Variants in NRG1 observed in about 807,000 individuals in gnomAD.
The protein encoded by NRG1 is neuregulin 1.
In NRG1, 18 loss-of-function variants were observed where a neutral mutation model predicts 63.8. The ratio of observed to expected loss-of-function variants is 0.28; its 90% confidence interval spans 0.19 to 0.42. The LOEUF (loss-of-function observed/expected upper bound fraction) is 0.42, where lower values mean the gene tolerates loss of function less well. Ranked by LOEUF, NRG1 falls within the 10% of genes least tolerant of loss-of-function variation. The probability of loss-of-function intolerance (pLI) is 1.00; values close to 1 mark genes in which losing one functional copy is unlikely to be tolerated. For missense variants in NRG1, 762 were observed against 814.7 expected (o/e 0.94, Z 0.79); for synonymous variants, 302 against 301.3 (o/e 1.00, Z -0.02).
chr8:32,575,037 T>C (rs1839356338), intron 1 of NRG1, among the ~76,000 whole-genome samples: 1 of 152,140 alleles, frequency 6.6e-6, no homozygotes, highest in Non-Finnish European at 1.5e-5. Flanking sequence ...TAGACAAATC[T>C]AAAGCCAAAC....
intron 1 of NRG1, among the ~76,000 whole-genome samples, chr8:31,778,410 T>G (rs980782563): frequency 6.6e-6 from 1 of 152,206 alleles, no homozygotes; most frequent in Non-Finnish European, 1.5e-5. Flanking sequence ...TGCTTGTTAA[T>G]TTTTGTTCTT....
intron 1 of NRG1, among the ~76,000 whole-genome samples, chr8:32,068,056 C>A (rs1028791310): frequency 1.2e-4 from 18 of 152,120 alleles, no homozygotes; most frequent in Admixed American, 9.8e-4. Flanking sequence ...GGTTTCCCTC[C>A]CGTGCTGAAT....
At chr8:32,497,716 T>C (rs1191575790) in intron 1 of NRG1, among the ~76,000 whole-genome samples, 1 of 152,166 alleles carries the variant, frequency 6.6e-6, no homozygotes, top group African/African-American at 2.4e-5. Context: ...GAGGGGACTG[T>C]TGGAAAGGAA....
At chr8:32,193,285 T>G (rs1488742688) in intron 1 of NRG1, among the ~76,000 whole-genome samples, 2 of 147,136 alleles carry the variant, frequency 1.4e-5, no homozygotes, top group Non-Finnish European at 3.0e-5. Flanking sequence ...ATTGATATAG[T>G]GCTTTTCTTT....
chr8:32,544,469 CTTA>C (rs1254231022), upstream of NRG1, among the ~76,000 whole-genome samples: 1 of 127,444 alleles, frequency 7.8e-6, no homozygotes, highest in Non-Finnish European at 1.6e-5. Context: ...TACTGCCTAG[CTTA>C]TTATTTATTT....
chr8:31,699,135 C>A (rs1810372849), intron 1 of NRG1, among the ~76,000 whole-genome samples: 1 of 152,078 alleles, frequency 6.6e-6, no homozygotes. Context: ...GCAAGCAGTT[C>A]TTCATTTCTC....
chr8:32,231,577 T>A (rs1487987809), intron 1 of NRG1, among the ~76,000 whole-genome samples: 1 of 152,156 alleles, frequency 6.6e-6, no homozygotes, highest in Non-Finnish European at 1.5e-5. Flanking sequence ...GAATGTAAAT[T>A]TTTTGTTTGT....
intron 1 of NRG1, among the ~76,000 whole-genome samples, chr8:32,381,436 G>T (rs564123445): frequency 6.6e-6 from 1 of 152,314 alleles, no homozygotes; most frequent in South Asian, 2.1e-4. Context: ...GAGGGCAGCT[G>T]TGTACCCTGT....
intron 1 of NRG1, among the ~76,000 whole-genome samples, chr8:31,675,738 G>GA (rs1487471317): frequency 1.1e-4 from 16 of 151,824 alleles, no homozygotes; most frequent in African/African-American, 3.9e-4. Flanking sequence ...CTTACAATTG[G>GA]AAAAAAAATG....
At chr8:31,704,920 A>C (rs1043253396) in intron 1 of NRG1, among the ~76,000 whole-genome samples, 82 of 152,044 alleles carry the variant, frequency 5.4e-4, no homozygotes, top group Non-Finnish European at 7.8e-4. Flanking sequence ...CCAAAAGTAG[A>C]TACATACATA....
intron 1 of NRG1, among the ~76,000 whole-genome samples, chr8:31,901,869 C>G (rs1262278147): frequency 1.3e-5 from 2 of 152,142 alleles, no homozygotes; most frequent in East Asian, 3.9e-4. Flanking sequence ...GTCAAATGAA[C>G]TCTTAATACA....
chr8:31,804,024 AC>A (rs1822043210), intron 1 of NRG1, among the ~76,000 whole-genome samples: 1 of 151,912 alleles, frequency 6.6e-6, no homozygotes, highest in African/African-American at 2.4e-5. Flanking sequence ...TCCTTTCATT[AC>A]CCTATTTTTT....
chr8:32,285,362 C>G (rs916226709), intron 1 of NRG1, among the ~76,000 whole-genome samples: 9 of 152,240 alleles, frequency 5.9e-5, no homozygotes, highest in African/African-American at 2.2e-4. Flanking sequence ...ATGTTGACTA[C>G]TATATGCTCA....
chr8:32,595,796 G>C (rs779928594), intron 1 of NRG1, 32 bp from the exon 2 acceptor site: 5 of 1,585,332 alleles, frequency 3.2e-6, no homozygotes, highest in Non-Finnish European at 3.4e-6. Context: ...CTGGTGATCA[G>C]AGTTGTTTTT....
intron 1 of NRG1, among the ~76,000 whole-genome samples, chr8:31,799,376 A>G (rs1259944305): frequency 6.6e-6 from 1 of 152,144 alleles, no homozygotes; most frequent in East Asian, 1.9e-4. Flanking sequence ...GGCTGTGTTG[A>G]CATTTTAAGT....
At chr8:32,154,695 A>T (rs1837866696) in intron 1 of NRG1, among the ~76,000 whole-genome samples, 1 of 152,216 alleles carries the variant, frequency 6.6e-6, no homozygotes, top group Non-Finnish European at 1.5e-5. Flanking sequence ...AAAAATACAG[A>T]TGCTTCCTGT....
chr8:32,580,261 G>GT (rs1453322208), intron 1 of NRG1, among the ~76,000 whole-genome samples: 6 of 152,104 alleles, frequency 3.9e-5, no homozygotes, highest in African/African-American at 1.4e-4. Flanking sequence ...GCTGTGTAAG[G>GT]TAACATATTC....
At chr8:31,847,800 A>G (rs1826831185) in intron 1 of NRG1, among the ~76,000 whole-genome samples, 1 of 152,216 alleles carries the variant, frequency 6.6e-6, no homozygotes, top group Non-Finnish European at 1.5e-5. Context: ...GTAAGCTCAT[A>G]CTGTCCTTTC....
intron 1 of NRG1, among the ~76,000 whole-genome samples, chr8:32,024,829 T>C (rs1816990689): frequency 6.6e-6 from 1 of 152,152 alleles, no homozygotes; most frequent in Non-Finnish European, 1.5e-5. Context: ...ATCCCAAAAG[T>C]ATAGAGAAAA....
Sources: gnomAD v4.1 joint callset for allele counts (sites outside exome capture counted in the v4.1 genomes callset) on GRCh38, gnomAD v4.1.1 for gene constraint, MANE v1.5 for transcripts, NCBI Gene and HGNC (gene_info 2026-07-23, HGNC 2026-07-21) for gene names.